The following SKAP2 variants were observed in gnomAD, a reference collection of about 807,000 sequenced individuals.
SKAP2 encodes the protein src kinase associated phosphoprotein 2, also known as src kinase-associated phosphoprotein 2.
Under a neutral mutation model 54.9 loss-of-function variants are expected in SKAP2, and 28 were observed. That is an observed-to-expected ratio of 0.51 (90% CI 0.38 to 0.70). SKAP2 has a LOEUF of 0.70. Among genes scored for constraint, SKAP2 ranks in the 30% least tolerant of loss-of-function variants. SKAP2 has a pLI of 0.00. For synonymous variants in SKAP2, 137 were observed against 134.3 expected, an observed-to-expected ratio of 1.02 and a Z score of -0.14; for missense variants, 356 against 424.1, an observed-to-expected ratio of 0.84 and a Z score of 1.41.
chr7:26,683,186 G>C (rs1051734747), intron 11 of SKAP2, among the ~76,000 whole-genome samples: 1 of 152,238 alleles, frequency 6.6e-6, no homozygotes, highest in East Asian at 1.9e-4. Context: ...ATAAATTTAG[G>C]AATGATTCCA....
At chr7:26,823,438 A>AAAC (rs1784424815) in intron 4 of SKAP2, among the ~76,000 whole-genome samples, 1 of 151,364 alleles carries the variant, frequency 6.6e-6, no homozygotes, top group Non-Finnish European at 1.5e-5. Context: ...AAAAAAAAAA[A>AAAC]AAAAAAACAA....
At chr7:26,774,799 T>C (rs1011844448) in intron 4 of SKAP2, among the ~76,000 whole-genome samples, 3 of 152,172 alleles carry the variant, frequency 2.0e-5, no homozygotes, top group Non-Finnish European at 2.9e-5. Flanking sequence ...ATAATCTAGA[T>C]AGACTTTTTT....
chr7:26,661,820 CATT>C, the SKAP2 span, among the ~76,000 whole-genome samples: 1 of 152,052 alleles, frequency 6.6e-6, no homozygotes, highest in African/African-American at 2.4e-5. Context: ...ATTATTTGAT[CATT>C]GTTTCATTTC....
intron 9 of SKAP2, among the ~76,000 whole-genome samples, chr7:26,720,051 A>AC (rs1787544714): frequency 7.1e-6 from 1 of 141,718 alleles, no homozygotes; most frequent in African/African-American, 2.6e-5. Context: ...ACATATCTGT[A>AC]ACACACACAC....
chr7:26,744,352 T>C (rs978715483), intron 4 of SKAP2, among the ~76,000 whole-genome samples: 1 of 152,088 alleles, frequency 6.6e-6, no homozygotes, highest in Non-Finnish European at 1.5e-5. Context: ...AGGTGTTAGG[T>C]TGGTCAGGTC....
intron 4 of SKAP2, among the ~76,000 whole-genome samples, chr7:26,767,026 T>G (rs749375654): frequency 1.3e-5 from 2 of 152,220 alleles, no homozygotes; most frequent in African/African-American, 2.4e-5. Context: ...CTGTTTGGAA[T>G]AGTTTCAGAA....
At chr7:26,857,683 A>G in intron 1 of SKAP2, 1 of 985,468 alleles carries the variant, frequency 1.0e-6, no homozygotes, top group African/African-American at 1.7e-5. Flanking sequence ...AGCAGTGAGC[A>G]TGGAGAGCCG....
At chr7:26,758,272 A>G (rs1448472043) in intron 4 of SKAP2, among the ~76,000 whole-genome samples, 1 of 152,118 alleles carries the variant, frequency 6.6e-6, no homozygotes, top group Non-Finnish European at 1.5e-5. Flanking sequence ...AAAATTTTAT[A>G]TAATACAATT....
chr7:26,690,868 A>G (rs958500138), intron 9 of SKAP2, among the ~76,000 whole-genome samples: 1 of 152,216 alleles, frequency 6.6e-6, no homozygotes, highest in African/African-American at 2.4e-5. Context: ...TGTGATTAAA[A>G]ATGCAGTTAA....
intron 1 of SKAP2, among the ~76,000 whole-genome samples, chr7:26,862,315 GT>G (rs748991076): frequency 6.6e-6 from 1 of 151,902 alleles, no homozygotes; most frequent in African/African-American, 2.4e-5. Flanking sequence ...TTCCAAATAA[GT>G]TTTTTTAAAA....
intron 6 of SKAP2, among the ~76,000 whole-genome samples, chr7:26,735,990 G>A (rs980895825): frequency 8.5e-5 from 13 of 152,120 alleles, no homozygotes; most frequent in Admixed American, 6.5e-5. Flanking sequence ...AGGCTGCAAA[G>A]TAAAAGGGAA....
At chr7:26,814,532 T>C (rs1784223491) in intron 4 of SKAP2, among the ~76,000 whole-genome samples, 1 of 147,436 alleles carries the variant, frequency 6.8e-6, no homozygotes, top group Non-Finnish European at 1.5e-5. Flanking sequence ...GCGAAATCAC[T>C]CTTTAGGAAC....
intron 4 of SKAP2, among the ~76,000 whole-genome samples, chr7:26,798,115 C>T (rs566593058): frequency 1.3e-5 from 2 of 151,792 alleles, no homozygotes; most frequent in South Asian, 4.2e-4. Flanking sequence ...GCAGATTTAA[C>T]CCAAAGGTTA....
At chr7:26,832,476 A>G (rs1353305157) in intron 4 of SKAP2, among the ~76,000 whole-genome samples, 1 of 152,224 alleles carries the variant, frequency 6.6e-6, no homozygotes, top group Non-Finnish European at 1.5e-5. Flanking sequence ...GCATAGACTA[A>G]GCATCAACCT....
At chr7:26,844,227 A>G in intron 3 of SKAP2, 90 bp from the exon 4 acceptor site, 1 of 769,654 alleles carries the variant, frequency 1.3e-6, no homozygotes, top group Non-Finnish European at 2.2e-6. Flanking sequence ...CTTTGTTAGA[A>G]GAGGTAAATT....
intron 9 of SKAP2, among the ~76,000 whole-genome samples, chr7:26,708,272 T>TA (rs1487202865): frequency 6.6e-6 from 1 of 152,222 alleles, no homozygotes; most frequent in Non-Finnish European, 1.5e-5. Context: ...CCCACGTGAA[T>TA]GTTTGCTGGG....
At chr7:26,830,854 T>G (rs1236782204) in intron 4 of SKAP2, among the ~76,000 whole-genome samples, 1 of 152,184 alleles carries the variant, frequency 6.6e-6, no homozygotes, top group South Asian at 2.1e-4. Context: ...ATATACAGTT[T>G]TGCCCTAATC....
intron 4 of SKAP2, among the ~76,000 whole-genome samples, chr7:26,791,778 G>T (rs150618135): frequency 1.2e-3 from 181 of 152,284 alleles, no homozygotes; most frequent in African/African-American, 4.1e-3. Context: ...ATGCAAAATG[G>T]TATAGCTATT....
intron 9 of SKAP2, among the ~76,000 whole-genome samples, chr7:26,693,000 C>T (rs560252449): frequency 5.9e-5 from 9 of 152,152 alleles, no homozygotes; most frequent in African/African-American, 1.9e-4. Context: ...AAGCTATAAC[C>T]GCATCAATAC....
Sources: allele counts gnomAD v4.1 joint callset (sites outside exome capture counted in the v4.1 genomes callset), GRCh38; gene constraint gnomAD v4.1.1; transcripts MANE v1.5; gene names NCBI Gene and HGNC (gene_info 2026-07-23, HGNC 2026-07-21).